The following IL1RAP variants were observed in gnomAD, a reference collection of about 807,000 sequenced individuals.
IL1RAP encodes interleukin-1 receptor accessory protein.
Under a neutral mutation model 60.7 loss-of-function variants are expected in IL1RAP, and 35 were observed. The ratio of observed to expected loss-of-function variants is 0.58; its 90% CI spans 0.44 to 0.76. The LOEUF is 0.76. Ranked by LOEUF, IL1RAP falls within the 30% of genes least tolerant of loss-of-function variation. IL1RAP has a pLI of 0.00. For synonymous variants in IL1RAP, 268 were observed against 250.9 expected, an observed-to-expected ratio of 1.07 and a Z score of -0.64; for missense variants, 572 against 693.9, an observed-to-expected ratio of 0.82 and a Z score of 1.97.
chr3:190,525,185 T>C (rs564264335), intron 1 of IL1RAP, among the ~76,000 whole-genome samples: 6 of 151,740 alleles, frequency 4.0e-5, no homozygotes, highest in African/African-American at 1.2e-4. Flanking sequence ...ACAGAAGAAA[T>C]AGAAGTGATT....
At chr3:190,521,331 A>G (rs951101511) in intron 1 of IL1RAP, among the ~76,000 whole-genome samples, 2 of 152,084 alleles carry the variant, frequency 1.3e-5, no homozygotes, top group Admixed American at 6.6e-5. Context: ...TGAGGTAATC[A>G]GGGCAGGTGT....
chr3:190,524,763 G>T (rs1722365848), intron 1 of IL1RAP, among the ~76,000 whole-genome samples: 1 of 152,132 alleles, frequency 6.6e-6, no homozygotes, highest in Non-Finnish European at 1.5e-5. Context: ...ATAGATGTTA[G>T]TGTGATTATT....
At chr3:190,587,133 T>C (rs1728531689) in intron 3 of IL1RAP, among the ~76,000 whole-genome samples, 1 of 152,202 alleles carries the variant, frequency 6.6e-6, no homozygotes, top group African/African-American at 2.4e-5. Flanking sequence ...TTACAGATCA[T>C]CTGGTTTTAC....
rs1218200762 is a variant in IL1RAP, at chr3:190,650,971, A to G, written c.*2266A>G. 3.0e-6 allele frequency: 3 copies of G among 985,234 alleles called. No homozygotes were observed. Among genetic ancestry groups the G allele is most frequent in the Non-Finnish European group, 3.6e-6 (3 of 829,876 alleles). 61.0% of individuals were successfully genotyped at this position (985,234 alleles called of 1,614,324 possible). On this transcript the variant is annotated 3_prime_UTR_variant, in exon 12 of 12. Coordinates refer to ENST00000447382, the MANE Select transcript of IL1RAP (RefSeq NM_002182.4). ...CTAGAAATACCTTGATGTTTTTTCT[A>G]TTTATATGCCTGCCTTTGGTACTTA... is the stretch of plus-strand genomic sequence containing the variant.
intron 9 of IL1RAP, among the ~76,000 whole-genome samples, chr3:190,641,260 C>T (rs746070534): frequency 5.9e-5 from 9 of 152,184 alleles, no homozygotes; most frequent in Admixed American, 2.6e-4. Context: ...CCACTGCGCC[C>T]GGCCTCTGAT....
chr3:190,629,295 T>A (rs1157153332), intron 8 of IL1RAP, 55 bp from the exon 9 acceptor site: 1 of 1,314,342 alleles, frequency 7.6e-7, no homozygotes, highest in Admixed American at 2.0e-5. Context: ...TCCTACACAG[T>A]CCATAGCTCT....
intron 5 of IL1RAP, among the ~76,000 whole-genome samples, chr3:190,615,989 A>G (rs1731236726): frequency 6.6e-6 from 1 of 152,136 alleles, no homozygotes; most frequent in Non-Finnish European, 1.5e-5. Flanking sequence ...TGGATTTTCA[A>G]CCTTTAGTGT....
intron 4 of IL1RAP, 77 bp downstream of exon 4, chr3:190,604,490 G>A: frequency 7.0e-7 from 1 of 1,426,534 alleles, no homozygotes; most frequent in East Asian, 2.4e-5. Context: ...CGTGTGCTAG[G>A]AAGCTGGGGA....
Position 190,620,358 on chromosome 3 carries a change from T to C in IL1RAP, c.621T>C (p.Asn207=), listed in dbSNP as rs148143176. The change falls in exon 6 of 12, where the codon AAT becomes AAC. Residue 207 remains asparagine, a synonymous_variant. Transcript: ENST00000447382. Reference sequence around the variant, plus strand: ...TCCTCATTGCCTTAATTTCAAATAATGGAAATTACACATGTGTTGTTACAT... The same window carrying C: ...TCCTCATTGCCTTAATTTCAAATAACGGAAATTACACATGTGTTGTTACAT... ...LSFLIALISN[N]GNYTCVVTYP... is the part of the protein sequence containing the mutation. 5.0e-6 allele frequency: 8 copies of C among 1,611,560 alleles called. No individual in the cohort carries two copies. In the African/African-American group the frequency reaches 1.1e-4, roughly 22 times the overall value.
chr3:190,608,869 A>T, intron 4 of IL1RAP, 126 bp from the exon 5 acceptor site: 1 of 648,758 alleles, frequency 1.5e-6, no homozygotes, highest in Non-Finnish European at 2.6e-6. Flanking sequence ...TTTATCTCTT[A>T]CATGAACTTA....
In IL1RAP at chr3:190,627,396, C is replaced by A; in HGVS notation, c.849C>A (p.Thr283=). The change falls in exon 8 of 12, where the codon ACC becomes ACA. Residue 283 remains threonine, a synonymous_variant. Coordinates refer to ENST00000447382, the MANE Select transcript of IL1RAP (RefSeq NM_002182.4). ...ATTCTCGCAATGAGGTTTGGTGGAC[C>A]ATTGATGGAAAAAAACCTGATGACA... is the stretch of plus-strand genomic sequence containing the variant. ...LMDSRNEVWW[T]IDGKKPDDIT... 2 of 1,612,482 alleles carry A rather than the reference C, an allele frequency of 1.2e-6. No homozygotes were observed. The highest frequency in any genetic ancestry group is 1.7e-6 in the Non-Finnish European group (2 of 1,179,466).
chr3:190,553,069 A>T (rs1016886465), intron 1 of IL1RAP, among the ~76,000 whole-genome samples: 12 of 152,240 alleles, frequency 7.9e-5, no homozygotes, highest in South Asian at 4.1e-4. Context: ...AAAGTCATAC[A>T]GATATCAAAC....
chr3:190,548,366 A>G (rs752097604), intron 1 of IL1RAP, among the ~76,000 whole-genome samples: 1 of 152,208 alleles, frequency 6.6e-6, no homozygotes, highest in African/African-American at 2.4e-5. Flanking sequence ...TGTGATCCTT[A>G]TATCATCCTA....
chr3:190,516,700 GA>G, intron 1 of IL1RAP, among the ~76,000 whole-genome samples: 1 of 150,964 alleles, frequency 6.6e-6, no homozygotes, highest in Non-Finnish European at 1.5e-5. Flanking sequence ...TTAATCATTT[GA>G]AGTTTCTGTT....
In IL1RAP at chr3:190,620,311, C is replaced by T. The variant is rs762984013; in HGVS notation, c.574C>T (p.Pro192Ser). Reference sequence around the variant, plus strand: ...AATACAGAATTTTAATAATGTAATACCCGAAGGTATGAACTTGAGTTTCCT... The same window carrying T: ...AATACAGAATTTTAATAATGTAATATCCGAAGGTATGAACTTGAGTTTCCT... ...YKIQNFNNVI[P>S]EGMNLSFLIA... The change falls in exon 6 of 12, where the codon CCC becomes TCC. Residue 192 changes from proline (P) to serine (S), a missense_variant. By Grantham distance (74) the Pro-to-Ser change is moderately conservative. Transcript: ENST00000447382. 7 of 1,585,314 alleles carry T rather than the reference C, an allele frequency of 4.4e-6. No individual in the cohort carries two copies. The Middle Eastern group carries it at 1.2e-3, about 265-fold the overall frequency.
chr3:190,658,972 A>C (rs1577843712), exon 12 of IL1RAP: 1 of 152,180 alleles, frequency 6.6e-6, no homozygotes, highest in African/African-American at 2.4e-5. Flanking sequence ...CTTGTAAAGA[A>C]TAATCCATCC....
chr3:190,612,318 TA>T (rs970938349), intron 5 of IL1RAP, among the ~76,000 whole-genome samples: 74 of 149,424 alleles, frequency 5.0e-4, no homozygotes, highest in African/African-American at 7.3e-4. Flanking sequence ...ACCTTCCAGT[TA>T]AAAAAAAAAG....
chr3:190,572,576 A>G (rs1727021444), intron 3 of IL1RAP, among the ~76,000 whole-genome samples: 1 of 152,298 alleles, frequency 6.6e-6, no homozygotes, highest in Admixed American at 6.5e-5. Context: ...AAACCCGGCT[A>G]TATACTTTTT....
intron 1 of IL1RAP, among the ~76,000 whole-genome samples, chr3:190,535,892 T>G (rs992180784): frequency 1.3e-5 from 2 of 152,230 alleles, no homozygotes; most frequent in Non-Finnish European, 2.9e-5. Flanking sequence ...TTAACTGTTT[T>G]GATAGGTTGT....
Sources: allele counts gnomAD v4.1 joint callset (sites outside exome capture counted in the v4.1 genomes callset), GRCh38; gene constraint gnomAD v4.1.1; transcripts MANE v1.5; gene names NCBI Gene and HGNC (gene_info 2026-07-23, HGNC 2026-07-21).